Variants in IQCH observed in about 807,000 individuals in gnomAD.
IQCH encodes the protein IQ motif containing H, also known as IQ domain-containing protein H.
A neutral mutation model predicts 117.0 loss-of-function variants in IQCH; 98 were observed. The observed-to-expected ratio is 0.84, with a 90% CI of 0.71 to 0.99. The LOEUF is 0.99. IQCH is among the 50% of genes least tolerant of loss of function. The pLI, the probability that IQCH is intolerant of heterozygous loss-of-function variation, is 0.00. For synonymous variants in IQCH, 412 were observed against 448.2 expected (o/e 0.92, Z 1.02); for missense variants, 1,102 against 1,243.8 (o/e 0.89, Z 1.72).
chr15:67,292,589 A>C (rs1966789128), intron 4 of IQCH, among the ~76,000 whole-genome samples: 1 of 152,186 alleles, frequency 6.6e-6, no homozygotes, highest in Non-Finnish European at 1.5e-5. Context: ...ACAGTATGAA[A>C]AAATAACATA....
intron 6 of IQCH, among the ~76,000 whole-genome samples, chr15:67,348,574 A>G (rs903958274): frequency 6.6e-6 from 1 of 152,248 alleles, no homozygotes; most frequent in East Asian, 1.9e-4. Flanking sequence ...TTGCAAACCT[A>G]TGGATGCTGG....
intron 15 of IQCH, among the ~76,000 whole-genome samples, chr15:67,420,759 T>C (rs1276594478): frequency 6.6e-6 from 1 of 152,238 alleles, no homozygotes; most frequent in East Asian, 1.9e-4. Context: ...CTTGGTTCTA[T>C]ATTTTTAAAA....
intron 4 of IQCH, among the ~76,000 whole-genome samples, chr15:67,327,752 A>C (rs1367465941): frequency 6.6e-6 from 1 of 152,148 alleles, no homozygotes; most frequent in Non-Finnish European, 1.5e-5. Flanking sequence ...AAAAATCTTT[A>C]ACAGTTCCAT....
chr15:67,387,473 C>A lies in IQCH; in HGVS notation c.1457-1358C>A, dbSNP rs991030814. Among the ~76,000 whole-genome samples the A allele has an allele frequency of 1.3e-5, 2 of 152,120 alleles. No individual in the cohort carries two copies. Among genetic ancestry groups the A allele is most frequent in the Non-Finnish European group, 2.9e-5 (2 of 68,026 alleles). ...GCTTAGGGGAATATAAGAAATAGTACAAACATTGCCTTTAAGGAGCTTGGA... is the reference window on the plus strand; with the variant it reads ...GCTTAGGGGAATATAAGAAATAGTAAAAACATTGCCTTTAAGGAGCTTGGA... On this transcript the variant is annotated intron_variant, in intron 11 of 20. Transcript: ENST00000335894. This position sits in a 1 kb window ranked among gnomAD's most constrained non-coding sequence, Gnocchi z 4.8.
Position 67,359,712 on chromosome 15 carries a change from T to C in IQCH, c.715-135T>C. ...GTCTTTCTAATTATTAGCTCCTGCCTGCGTGGAAAGAGAGAACAGGCTGGC... is the reference window on the plus strand; with the variant it reads ...GTCTTTCTAATTATTAGCTCCTGCCCGCGTGGAAAGAGAGAACAGGCTGGC... On this transcript the variant is annotated intron_variant, in intron 7 of 20. Coordinates refer to ENST00000335894, the MANE Select transcript of IQCH (RefSeq NM_001031715.3). The surrounding 1 kb of genome is among the most constrained non-coding windows in gnomAD (Gnocchi z 4.5). 3.9e-6 allele frequency: 3 copies of C among 767,668 alleles called. No homozygotes were observed. Among genetic ancestry groups the C allele is most frequent in the Non-Finnish European group, 7.0e-6 (3 of 431,298 alleles). The allele number at this position is 767,668 out of a possible 1,614,324, so 47.6% of individuals were successfully genotyped here.
At chr15:67,309,411 C>T (rs188421194) in intron 4 of IQCH, among the ~76,000 whole-genome samples, 1 of 152,142 alleles carries the variant, frequency 6.6e-6, no homozygotes, top group East Asian at 1.9e-4. Context: ...GTTGTCTGTT[C>T]TGTTTGTCTG....
In IQCH at chr15:67,357,147, G is replaced by T. The variant is rs1262298815; in HGVS notation, c.638-198G>T. Among the ~76,000 whole-genome samples the T allele has an allele frequency of 4.6e-5, 7 of 152,168 alleles. No individual in the cohort carries two copies. The South Asian group carries it at 1.2e-3, about 27-fold the overall frequency. On this transcript the variant is annotated intron_variant, in intron 6 of 20. Transcript: ENST00000335894. The stretch of plus-strand genomic sequence containing the variant: ...GCTGACTTTGTATTCTAATAGAACT[G>T]TTGCCCTCTCATGCTCTTGGCTTCC...
intron 4 of IQCH, among the ~76,000 whole-genome samples, chr15:67,310,205 T>C (rs1967516502): frequency 6.6e-6 from 1 of 152,114 alleles, no homozygotes; most frequent in Admixed American, 6.6e-5. Context: ...TTAAGCATTT[T>C]AAGTATAATA....
intron 16 of IQCH, among the ~76,000 whole-genome samples, chr15:67,423,344 T>C (rs1259848094): frequency 2.0e-5 from 3 of 151,898 alleles, no homozygotes; most frequent in African/African-American, 7.3e-5. Flanking sequence ...AGCAGGCAGA[T>C]CACTTGACCC....
chr15:67,489,197 C>T lies in IQCH; in HGVS notation c.2800-806C>T, dbSNP rs566145072. On this transcript the variant is annotated intron_variant, in intron 18 of 20. Coordinates refer to ENST00000335894, the MANE Select transcript of IQCH (RefSeq NM_001031715.3). Reference sequence around the variant, plus strand: ...TACAGGCGCCCGCCACCACACCCGGCTAATTTTTTGTATTTTTAGTAGAGA... The same window carrying T: ...TACAGGCGCCCGCCACCACACCCGGTTAATTTTTTGTATTTTTAGTAGAGA... Among the ~76,000 whole-genome samples the T allele has an allele frequency of 6.9e-3, 1,042 of 151,204 alleles. 8 individuals carry two copies. The highest frequency in any genetic ancestry group is 0.012 in the Non-Finnish European group (785 of 67,866).
chr15:67,277,595 G>T (rs957529478), intron 3 of IQCH, among the ~76,000 whole-genome samples: 3 of 146,836 alleles, frequency 2.0e-5, no homozygotes, highest in Non-Finnish European at 3.0e-5. Context: ...GTGCAGTGGC[G>T]CAATCTCGGC....
At chr15:67,450,271 T>C (rs2082490413) in intron 16 of IQCH, among the ~76,000 whole-genome samples, 1 of 151,894 alleles carries the variant, frequency 6.6e-6, no homozygotes, top group Non-Finnish European at 1.5e-5. Context: ...TGAATAGGAG[T>C]GGTGAGAGGG....
At chr15:67,325,615 C>A (rs1446585911) in intron 4 of IQCH, among the ~76,000 whole-genome samples, 1 of 151,960 alleles carries the variant, frequency 6.6e-6, no homozygotes, top group Non-Finnish European at 1.5e-5. Flanking sequence ...ATTATACTTA[C>A]GATACTTTAT....
rs1970053746 is a variant in IQCH at position 67,359,754 on chromosome 15, G to A, written c.715-93G>A. ...CAGGCTGGCCCAGCGGGTAAAATGGGGAAGGGGGTGAGGCTCTGAGCCTTC... is the reference window on the plus strand; with the variant it reads ...CAGGCTGGCCCAGCGGGTAAAATGGAGAAGGGGGTGAGGCTCTGAGCCTTC... On this transcript the variant is annotated intron_variant, in intron 7 of 20. Coordinates refer to ENST00000335894, the MANE Select transcript of IQCH (RefSeq NM_001031715.3). This position sits in a 1 kb window ranked among gnomAD's most constrained non-coding sequence, Gnocchi z 4.5. 6.4e-6 allele frequency: 7 copies of A among 1,097,896 alleles called. No homozygotes were observed. Among genetic ancestry groups the A allele is most frequent in the Non-Finnish European group, 8.4e-6 (6 of 711,560 alleles). 68.0% of individuals were successfully genotyped at this position (1,097,896 alleles called of 1,614,324 possible).
chr15:67,477,423 T>C (rs1451500476), intron 18 of IQCH, among the ~76,000 whole-genome samples: 3 of 152,172 alleles, frequency 2.0e-5, no homozygotes, highest in African/African-American at 7.2e-5. Flanking sequence ...TGGCTGACAC[T>C]TGGCAATCCC....
intron 1 of IQCH, among the ~76,000 whole-genome samples, chr15:67,260,065 A>T (rs150423280): frequency 3.3e-5 from 5 of 152,366 alleles, no homozygotes; most frequent in Non-Finnish European, 7.3e-5. Context: ...CAGTCCAGTT[A>T]TACTAACAGA....
In IQCH at chr15:67,500,889, T is replaced by C. The variant is rs1875192578; in HGVS notation, c.*143T>C. 4.6e-6 allele frequency: 2 copies of C among 436,624 alleles called. No homozygotes were observed. The highest frequency in any genetic ancestry group is 4.2e-6 in the Non-Finnish European group (1 of 239,082). 27.0% of individuals were successfully genotyped at this position (436,624 alleles called of 1,614,324 possible). A position where few individuals can be genotyped will look rare whatever the true frequency, so the allele number is the denominator to read the frequency against. On this transcript the variant is annotated 3_prime_UTR_variant, in exon 21 of 21. Transcript: ENST00000335894. The surrounding 1 kb of genome is among the most constrained non-coding windows in gnomAD (Gnocchi z 4.4). ...ATCAGAACAGATTATAATGAAATGC[T>C]CTTTTTAAAACATTGTTTATTAAGT... is the stretch of plus-strand genomic sequence containing the variant.
At chr15:67,340,386 C>T (rs1194143243) in intron 5 of IQCH, among the ~76,000 whole-genome samples, 1 of 123,644 alleles carries the variant, frequency 8.1e-6, no homozygotes, top group Non-Finnish European at 1.6e-5. Flanking sequence ...AAGATCGTGA[C>T]ACTGCACTCC....
At chr15:67,368,209 C>T (rs968741775) in intron 8 of IQCH, among the ~76,000 whole-genome samples, 1 of 152,158 alleles carries the variant, frequency 6.6e-6, no homozygotes, top group Admixed American at 6.5e-5. Flanking sequence ...TCTCTGGGCC[C>T]GTAATAGCCT....
Sources: allele counts gnomAD v4.1 joint callset (sites outside exome capture counted in the v4.1 genomes callset), GRCh38; gene constraint gnomAD v4.1.1; non-coding constraint Gnocchi (gnomAD v3.1); transcripts MANE v1.5; gene names NCBI Gene and HGNC (gene_info 2026-07-23, HGNC 2026-07-21).